RIMS1: variants seen among roughly 807,000 people sequenced by gnomAD.
RIMS1 encodes regulating synaptic membrane exocytosis protein 1.
Under a neutral mutation model 214.1 loss-of-function variants are expected in RIMS1, and 83 were observed. That is an observed-to-expected ratio of 0.39 (90% CI 0.32 to 0.47). The LOEUF (loss-of-function observed/expected upper bound fraction) is 0.47, where lower values mean the gene tolerates loss of function less well. Among genes scored for constraint, RIMS1 ranks in the 20% least tolerant of loss-of-function variants. RIMS1 has a pLI of 0.99. For missense variants in RIMS1, 2,050 were observed against 2,161.8 expected, an observed-to-expected ratio of 0.95 and a Z score of 1.03; for synonymous variants, 793 against 786.8, an observed-to-expected ratio of 1.01 and a Z score of -0.13.
At chr6:71,953,482 A>G (rs1328757899) in intron 1 of RIMS1, among the ~76,000 whole-genome samples, 2 of 152,104 alleles carry the variant, frequency 1.3e-5, no homozygotes, top group Non-Finnish European at 2.9e-5. Context: ...ATGAGTCAAT[A>G]TTTTTGAACA....
intron 29 of RIMS1, among the ~76,000 whole-genome samples, chr6:72,350,191 G>T (rs1242255447): frequency 6.6e-6 from 1 of 151,950 alleles, no homozygotes. Flanking sequence ...TTTGTACACA[G>T]AAAAAAGGAA....
At chr6:72,144,339 G>A (rs995244415) in intron 4 of RIMS1, among the ~76,000 whole-genome samples, 1 of 152,202 alleles carries the variant, frequency 6.6e-6, no homozygotes, top group African/African-American at 2.4e-5. Flanking sequence ...AACTTCTTGA[G>A]TAGAGCAGGA....
rs1299370007 is a variant in RIMS1, at chr6:72,160,868, G to C, written c.472-18707G>C. On this transcript the variant is annotated intron_variant, in intron 4 of 33. Coordinates refer to ENST00000521978, the MANE Select transcript of RIMS1 (RefSeq NM_014989.7). ...TCTTTTTTTGTTGTGTCTCTGCCAG[G>C]CTTTGGTATCAGGATGATGCTGGCC... Among the ~76,000 whole-genome samples, 2 of 140,132 alleles carry C rather than the reference G, an allele frequency of 1.4e-5. 1 individual carries two copies. The highest frequency in any genetic ancestry group is 3.2e-5 in the Non-Finnish European group (2 of 61,744). The allele number at this position is 140,132 out of a possible 152,430, so 91.9% of individuals were successfully genotyped here.
chr6:71,997,041 A>G lies in RIMS1; in HGVS notation c.245+27978A>G, dbSNP rs560902682. On this transcript the variant is annotated intron_variant, in intron 2 of 33. Transcript: ENST00000521978. ...ATTGATATTTTAAATTTATTTTGAT[A>G]AATCTCTAAAGCAATAAAAACATTT... Among the ~76,000 whole-genome samples the G allele has an allele frequency of 3.9e-5, 6 of 152,300 alleles. No individual in the cohort carries two copies. The South Asian group carries it at 1.2e-3, about 32-fold the overall frequency.
chr6:72,087,805 A>T (rs528711702), intron 2 of RIMS1, among the ~76,000 whole-genome samples: 8 of 152,254 alleles, frequency 5.3e-5, no homozygotes, highest in African/African-American at 1.7e-4. Flanking sequence ...TATTTATCCC[A>T]CTATAAAATT....
At chr6:72,249,024 A>G (rs1435819682) in intron 12 of RIMS1, among the ~76,000 whole-genome samples, 1 of 152,136 alleles carries the variant, frequency 6.6e-6, no homozygotes, top group African/African-American at 2.4e-5. Flanking sequence ...GTGAAACCCC[A>G]TCTTAGGTAT....
intron 2 of RIMS1, among the ~76,000 whole-genome samples, chr6:72,084,925 A>AT (rs1253095825): frequency 6.6e-6 from 1 of 152,104 alleles, no homozygotes; most frequent in Non-Finnish European, 1.5e-5. Context: ...TTAATATATA[A>AT]TTTTTTAAAA....
chr6:71,953,675 A>G (rs1027690159), intron 1 of RIMS1, among the ~76,000 whole-genome samples: 1 of 152,176 alleles, frequency 6.6e-6, no homozygotes. Context: ...ATAAAAACAT[A>G]CTTACCTATT....
chr6:72,329,021 G>GAAACAAAACA (rs531122241), intron 28 of RIMS1, among the ~76,000 whole-genome samples: 38 of 151,614 alleles, frequency 2.5e-4, no homozygotes, highest in African/African-American at 8.7e-4. Context: ...GAACCAGAAA[G>GAAACAAAACA]AAACAAAACA....
rs77263461 is a variant in RIMS1, at chr6:72,326,708, G to A, written c.4131-6892G>A. 0.026 allele frequency among the ~76,000 whole-genome samples: 3,955 copies of A among 151,784 alleles called. 338 individuals carry two copies. The East Asian group carries it at 0.31, about 12-fold the overall frequency. Reference sequence around the variant, plus strand: ...CTTGGTCTGATAGGCAGAACAATGTGCCCCCGACAAAGGGTTCCTATATCA... The same window carrying A: ...CTTGGTCTGATAGGCAGAACAATGTACCCCCGACAAAGGGTTCCTATATCA... On this transcript the variant is annotated intron_variant, in intron 28 of 33. Transcript: ENST00000521978.
intron 2 of RIMS1, among the ~76,000 whole-genome samples, chr6:72,087,879 A>G (rs1835077976): frequency 6.6e-6 from 1 of 152,232 alleles, no homozygotes; most frequent in Non-Finnish European, 1.5e-5. Flanking sequence ...CACCCATCAA[A>G]TGGAAACTTT....
intron 27 of RIMS1, among the ~76,000 whole-genome samples, chr6:72,307,957 A>G (rs528017738): frequency 1.3e-5 from 2 of 152,198 alleles, no homozygotes; most frequent in Non-Finnish European, 2.9e-5. Flanking sequence ...TCAAATTCAC[A>G]TAAATAAGCA....
intron 1 of RIMS1, among the ~76,000 whole-genome samples, chr6:71,961,666 C>A (rs765973336): frequency 2.0e-5 from 3 of 152,086 alleles, no homozygotes; most frequent in Admixed American, 6.6e-5. Context: ...TTATTTGATA[C>A]CTCCCTCTGA....
intron 32 of RIMS1, among the ~76,000 whole-genome samples, 153 bp downstream of exon 32, chr6:72,398,503 G>A (rs541951498): frequency 3.3e-5 from 5 of 152,246 alleles, no homozygotes; most frequent in African/African-American, 9.6e-5. Flanking sequence ...TTATTAAAAC[G>A]GATTTGGGTT....
rs56115719 is a variant in RIMS1 at position 72,057,498 on chromosome 6, CTTTT to C, written c.246-39435_246-39432del. Among the ~76,000 whole-genome samples the C allele has an allele frequency of 1.7e-3, 216 of 126,214 alleles. 1 individual carries two copies. Among genetic ancestry groups the C allele is most frequent in the African/African-American group, 6.2e-3 (212 of 33,996 alleles). 82.8% of individuals were successfully genotyped at this position (126,214 alleles called of 152,430 possible). ...GTCCAAATCAGTACACCTTCTTTTT[CTTTT>C]TTTTTTTTTTTTTTTCTTTTTTTGA... On this transcript the variant is annotated intron_variant, in intron 2 of 33. Transcript: ENST00000521978.
intron 1 of RIMS1, among the ~76,000 whole-genome samples, chr6:71,964,136 A>G (rs1793768549): frequency 6.6e-6 from 1 of 152,194 alleles, no homozygotes; most frequent in Non-Finnish European, 1.5e-5. Context: ...AGGAACCATC[A>G]AAAACTCGAC....
At position 72,268,027 on chromosome 6, in the gene RIMS1, G is replaced by GCAATTATTTTATGTAATGTAAAATAAA. The variant is rs1031155715; in HGVS notation, c.3398+2006_3398+2032dup. Among the ~76,000 whole-genome samples the GCAATTATTTTATGTAATGTAAAATAAA allele has an allele frequency of 2.6e-5, 4 of 152,106 alleles. No individual in the cohort carries two copies. The East Asian group carries it at 5.8e-4, about 22-fold the overall frequency. On this transcript the variant is annotated intron_variant, in intron 22 of 33. Transcript: ENST00000521978. ...GATCACTTTATTGCCAAGAAGAACAGCAATTATTTTATGTAATGTAAAATA... is the reference window on the plus strand; with the variant it reads ...GATCACTTTATTGCCAAGAAGAACAGCAATTATTTTATGTAATGTAAAATAAACAATTATTTTATGTAATGTAAAATA...
At chr6:72,010,279 G>A (rs991378576) in intron 2 of RIMS1, among the ~76,000 whole-genome samples, 1 of 152,044 alleles carries the variant, frequency 6.6e-6, no homozygotes, top group African/African-American at 2.4e-5. Context: ...AAATTCAACA[G>A]CCCTTCATGC....
At chr6:72,056,394 C>T (rs2152205070) in intron 2 of RIMS1, among the ~76,000 whole-genome samples, 1 of 152,184 alleles carries the variant, frequency 6.6e-6, no homozygotes, top group East Asian at 1.9e-4. Context: ...CAAACCTGTA[C>T]ATGTAACCCT....
Sources: allele counts gnomAD v4.1 joint callset (sites outside exome capture counted in the v4.1 genomes callset), GRCh38; gene constraint gnomAD v4.1.1; transcripts MANE v1.5; gene names NCBI Gene and HGNC (gene_info 2026-07-23, HGNC 2026-07-21).